GXYLT2: variants seen among roughly 807,000 people sequenced by gnomAD.
GXYLT2 encodes the protein glycosyltransferase 8 domain containing 4.
In GXYLT2, 53 loss-of-function variants were observed where a neutral mutation model predicts 45.8. That is an observed-to-expected ratio of 1.16 (90% CI 0.93 to 1.46). GXYLT2 has a LOEUF of 1.46. Ranked by LOEUF, GXYLT2 falls within the 40% of genes most tolerant of loss-of-function variation. GXYLT2 has a pLI of 0.00. For missense variants in GXYLT2, 551 were observed against 544.4 expected (o/e 1.01, Z -0.12); for synonymous variants, 219 against 214.2 (o/e 1.02, Z -0.19).
chr3:72,893,887 A>G (rs1227128892), intron 1 of GXYLT2, among the ~76,000 whole-genome samples: 1 of 151,378 alleles, frequency 6.6e-6, no homozygotes, highest in Non-Finnish European at 1.5e-5. Flanking sequence ...GTGTCACCCC[A>G]AGGGAGTGTC....
chr3:72,956,936 G>T (rs184883829), intron 4 of GXYLT2, among the ~76,000 whole-genome samples: 2 of 146,768 alleles, frequency 1.4e-5, no homozygotes, highest in Admixed American at 6.9e-5. Context: ...GAGGGAGGGA[G>T]GGAGGGAAGA....
At chr3:72,889,875 C>A (rs930474608) in intron 1 of GXYLT2, among the ~76,000 whole-genome samples, 13 of 151,596 alleles carry the variant, frequency 8.6e-5, no homozygotes, top group Non-Finnish European at 1.6e-4. Flanking sequence ...AACCTTCCCC[C>A]CCACCGCTGT....
At chr3:72,922,522 A>C (rs1330840059) in intron 3 of GXYLT2, among the ~76,000 whole-genome samples, 187 bp downstream of exon 3, 1 of 152,148 alleles carries the variant, frequency 6.6e-6, no homozygotes, top group Non-Finnish European at 1.5e-5. Flanking sequence ...ATACCGAAAG[A>C]CTGAGGGACT....
At chr3:72,914,749 CAGATTGAAA>C (rs148979080) in intron 2 of GXYLT2, among the ~76,000 whole-genome samples, 11,008 of 152,004 alleles carry the variant, frequency 0.072, 1,301 homozygotes, top group African/African-American at 0.25. Context: ...TAGGCTCTAA[CAGATTGAAA>C]AGATACCGAC....
At position 72,975,224 on chromosome 3, in the gene GXYLT2, G is replaced by GC; in HGVS notation, c.*67dup. 1 of 1,238,836 alleles carries GC rather than the reference G, an allele frequency of 8.1e-7. No individual in the cohort carries two copies. 76.7% of individuals were successfully genotyped at this position (1,238,836 alleles called of 1,614,324 possible). ...CCAAGGAAATACTAATCTCTAAGCTGCCTGGGTCTTTTTGTGTGAATATTT... is the reference window on the plus strand; with the variant it reads ...CCAAGGAAATACTAATCTCTAAGCTGCCCTGGGTCTTTTTGTGTGAATATTT... On this transcript the variant is annotated 3_prime_UTR_variant, in exon 7 of 7. Coordinates refer to ENST00000389617, the MANE Select transcript of GXYLT2 (RefSeq NM_001080393.2).
chr3:72,967,895 A>G (rs1710897759), intron 6 of GXYLT2, among the ~76,000 whole-genome samples, 176 bp downstream of exon 6: 1 of 152,178 alleles, frequency 6.6e-6, no homozygotes, highest in South Asian at 2.1e-4. Flanking sequence ...GTACTATGTC[A>G]TATCTACTTG....
chr3:72,967,723 A>C lies in GXYLT2; in HGVS notation c.1149+4A>C. On this transcript the variant is annotated splice_donor_region_variant and intron_variant, in intron 6 of 6. Coordinates refer to ENST00000389617, the MANE Select transcript of GXYLT2 (RefSeq NM_001080393.2). ...ACTCTATGAAGCAATACGGGATGTA[A>C]GTGTGCCCTTGCTGCTGTTAGCAGA... The C allele has an allele frequency of 6.2e-7, 1 of 1,613,198 alleles. No homozygotes were observed. Among genetic ancestry groups the C allele is most frequent in the Non-Finnish European group, 8.5e-7 (1 of 1,179,412 alleles).
At chr3:72,916,779 T>A (rs1340624528) in intron 2 of GXYLT2, among the ~76,000 whole-genome samples, 1 of 151,308 alleles carries the variant, frequency 6.6e-6, no homozygotes, top group Non-Finnish European at 1.5e-5. Flanking sequence ...GACCTCGGCC[T>A]CCCAAATTTT....
chr3:72,966,560 A>G (rs1195663664), intron 5 of GXYLT2, among the ~76,000 whole-genome samples: 1 of 148,930 alleles, frequency 6.7e-6, no homozygotes, highest in Non-Finnish European at 1.5e-5. Flanking sequence ...CCTGGGCTCA[A>G]GGAATCCTGC....
Position 72,975,305 on chromosome 3 carries a change from G to A in GXYLT2, c.*146G>A, listed in dbSNP as rs1271606394. 1.3e-5 allele frequency: 6 copies of A among 473,204 alleles called. No homozygotes were observed. The highest frequency in any genetic ancestry group is 2.2e-5 in the Non-Finnish European group (6 of 274,066). The allele number at this position is 473,204 out of a possible 1,614,324, so 29.3% of individuals were successfully genotyped here. On this transcript the variant is annotated 3_prime_UTR_variant, in exon 7 of 7. Transcript: ENST00000389617. ...AACCTCGTTAAATTTTGCCAAATCAGTTGCCCCCAAAAGGGAATATGCTTT... is the reference window on the plus strand; with the variant it reads ...AACCTCGTTAAATTTTGCCAAATCAATTGCCCCCAAAAGGGAATATGCTTT...
intron 1 of GXYLT2, among the ~76,000 whole-genome samples, chr3:72,894,286 C>T (rs1709238311): frequency 6.6e-6 from 1 of 152,114 alleles, no homozygotes; most frequent in South Asian, 2.1e-4. Flanking sequence ...TTACTGCATC[C>T]AAAATCATCT....
chr3:72,969,102 G>A (rs954596477), intron 6 of GXYLT2, among the ~76,000 whole-genome samples: 3 of 151,746 alleles, frequency 2.0e-5, no homozygotes, highest in Non-Finnish European at 4.4e-5. Context: ...CCTCTTTATG[G>A]ACTCGTGGGC....
chr3:72,957,183 T>G (rs776334892), intron 4 of GXYLT2, 46 bp from the exon 5 acceptor site: 2 of 1,569,740 alleles, frequency 1.3e-6, no homozygotes, highest in South Asian at 2.4e-5. Flanking sequence ...GTGGACAAAA[T>G]GTATTTGCTT....
intron 1 of GXYLT2, among the ~76,000 whole-genome samples, chr3:72,897,304 C>T (rs1178933530): frequency 1.3e-5 from 2 of 152,192 alleles, no homozygotes; most frequent in Non-Finnish European, 2.9e-5. Context: ...AATCTTGCCT[C>T]CTTTTAGCTC....
rs147697871 is a variant in GXYLT2, at chr3:72,892,429, A to G, written c.275+3921A>G. On this transcript the variant is annotated intron_variant, in intron 1 of 6. Coordinates refer to ENST00000389617, the MANE Select transcript of GXYLT2 (RefSeq NM_001080393.2). ...GACTTAAGATACCTCTAAGCCCTGT[A>G]GTTTTCCTCTGCCATTTTATTCCAT... Among the ~76,000 whole-genome samples, 484 of 152,272 alleles carry G rather than the reference A, an allele frequency of 3.2e-3. 3 individuals carry two copies. Among genetic ancestry groups the G allele is most frequent in the African/African-American group, 0.011 (449 of 41,532 alleles).
At chr3:72,969,266 T>C (rs1264670149) in intron 6 of GXYLT2, among the ~76,000 whole-genome samples, 5 of 79,050 alleles carry the variant, frequency 6.3e-5, no homozygotes, top group Non-Finnish European at 1.4e-4. Context: ...GCAAGCCTCA[T>C]GCTGTAATCT....
chr3:72,964,563 C>A (rs557925081), intron 5 of GXYLT2, among the ~76,000 whole-genome samples: 2 of 151,848 alleles, frequency 1.3e-5, no homozygotes, highest in African/African-American at 4.8e-5. Context: ...CCTCGTGATC[C>A]GCCCGCCTTG....
chr3:72,927,249 T>C (rs963019175), intron 3 of GXYLT2: 2 of 152,216 alleles, frequency 1.3e-5, no homozygotes, highest in African/African-American at 4.8e-5. Flanking sequence ...AAATTAGTTA[T>C]AGCTTTAACC....
intron 3 of GXYLT2, chr3:72,929,312 T>C (rs1464624931): frequency 1.7e-6 from 2 of 1,174,374 alleles, no homozygotes; most frequent in Admixed American, 3.4e-5. Flanking sequence ...GAAACCAGAC[T>C]GTGACGACTG....
Sources: allele counts gnomAD v4.1 joint callset (sites outside exome capture counted in the v4.1 genomes callset), GRCh38; gene constraint gnomAD v4.1.1; transcripts MANE v1.5; gene names NCBI Gene and HGNC (gene_info 2026-07-23, HGNC 2026-07-21).